Variants in PIN4 observed in about 807,000 individuals in gnomAD.
The protein encoded by PIN4 is peptidylprolyl cis/trans isomerase, NIMA-interacting 4, also known as peptidyl-prolyl cis-trans isomerase NIMA-interacting 4.
In PIN4, 3 loss-of-function variants were observed where a neutral mutation model predicts 8.3. That is an observed-to-expected ratio of 0.36 (90% CI 0.16 to 0.93). PIN4 has a LOEUF of 0.93. PIN4 is among the 40% of genes least tolerant of loss of function. PIN4 has a pLI of 0.44. For missense variants in PIN4, 75 were observed against 100.6 expected (o/e 0.75, Z 1.09); for synonymous variants, 18 against 32.5 (o/e 0.55, Z 1.52).
chrX:72,251,350 G>A lies in PIN4; in HGVS notation c.313-11357G>A, dbSNP rs769287939. On this transcript the variant is annotated intron_variant, in intron 3 of 3. Coordinates refer to the PIN4 transcript ENST00000423432. ...TGCACTCCAGCCTGGGCGACACAGC[G>A]AGACTCTGTCTCAAAAAAAAAAAAA... 5.0e-4 allele frequency among the ~76,000 whole-genome samples: 14 copies of A among 28,138 alleles called. No homozygotes were observed. The African/African-American group carries it at 5.4e-3, about 11-fold the overall frequency. The allele number at this position is 28,138 out of a possible 115,157, so 24.4% of individuals were successfully genotyped here. A position where few individuals can be genotyped will look rare whatever the true frequency, so the allele number is the denominator to read the frequency against.
At chrX:72,248,458 G>C (rs1174251121) in intron 3 of PIN4, among the ~76,000 whole-genome samples, 2 of 111,451 alleles carry the variant, frequency 1.8e-5, no homozygotes, top group African/African-American at 6.5e-5. Context: ...CACAGTCAGA[G>C]TGTAAGAGAA....
At chrX:72,184,168 A>G (rs1057433558) in intron 1 of PIN4, among the ~76,000 whole-genome samples, 1 of 112,117 alleles carries the variant, frequency 8.9e-6, no homozygotes, top group African/African-American at 3.2e-5. Context: ...GGATAGCAAC[A>G]CCAGGGAATT....
At chrX:72,225,702 C>T (rs908665377) in intron 3 of PIN4, among the ~76,000 whole-genome samples, 2 of 111,708 alleles carry the variant, frequency 1.8e-5, no homozygotes, top group Non-Finnish European at 3.8e-5. Context: ...TGACCAACCA[C>T]TCACTCCCAC....
intron 3 of PIN4, among the ~76,000 whole-genome samples, chrX:72,235,371 T>C (rs933371292): frequency 3.7e-5 from 4 of 106,766 alleles, no homozygotes; most frequent in Non-Finnish European, 1.9e-5. Context: ...TGACCTCCTC[T>C]TCTGCCTCCC....
At chrX:72,240,178 T>TA (rs746139148) in intron 3 of PIN4, among the ~76,000 whole-genome samples, 8 of 110,057 alleles carry the variant, frequency 7.3e-5, no homozygotes, top group Admixed American at 1.9e-4. Context: ...AAAAATAATT[T>TA]AAAAAAAAAG....
intron 3 of PIN4, among the ~76,000 whole-genome samples, chrX:72,223,074 C>A (rs1474439908): frequency 9.6e-6 from 1 of 103,877 alleles, no homozygotes; most frequent in Non-Finnish European, 2.0e-5. Flanking sequence ...CAGTGGCTCA[C>A]GCCTGTAATC....
intron 2 of PIN4, among the ~76,000 whole-genome samples, chrX:72,194,086 A>T (rs896909608): frequency 4.5e-5 from 5 of 111,991 alleles, no homozygotes; most frequent in Non-Finnish European, 1.9e-5. Context: ...ATTGTAGCTT[A>T]CATGTATAGT....
intron 3 of PIN4, among the ~76,000 whole-genome samples, chrX:72,216,013 A>T (rs1458321992): frequency 4.5e-5 from 5 of 110,625 alleles, no homozygotes; most frequent in African/African-American, 1.6e-4. Context: ...CATTTCCCAG[A>T]AGATTTTATC....
intron 2 of PIN4, among the ~76,000 whole-genome samples, chrX:72,191,853 T>A (rs751110335): frequency 7.2e-5 from 8 of 111,141 alleles, no homozygotes; most frequent in Non-Finnish European, 1.5e-4. Flanking sequence ...ATCTCTACCC[T>A]CTTTTTTGTT....
rs1448983565 is a variant in PIN4, at chrX:72,198,054, T to G, written c.*528T>G. On this transcript the variant is annotated 3_prime_UTR_variant, in exon 4 of 4. Coordinates refer to ENST00000373669, the MANE Select transcript of PIN4 (RefSeq NM_006223.4). ...CGTTATGCCTTTCAGTGTTAACTCC[T>G]TTCTTTTTAAATAAATGTTTATTGG... The G allele has an allele frequency of 8.0e-6, 6 of 749,187 alleles. 1 individual carries two copies. Among genetic ancestry groups the G allele is most frequent in the Admixed American group, 1.8e-4 (2 of 11,427 alleles). The allele number at this position is 749,187 out of a possible 1,213,427, so 61.7% of individuals were successfully genotyped here.
chrX:72,202,301 C>CCAAA (rs2042793131), downstream of PIN4, among the ~76,000 whole-genome samples: 2 of 112,374 alleles, frequency 1.8e-5, no homozygotes, highest in African/African-American at 6.5e-5. Flanking sequence ...ATTTTTTTCC[C>CCAAA]CAAACAACAG....
chrX:72,222,777 T>C (rs970191897), intron 3 of PIN4, among the ~76,000 whole-genome samples: 2 of 108,100 alleles, frequency 1.9e-5, no homozygotes, highest in Non-Finnish European at 3.8e-5. Context: ...TTTGTATTTT[T>C]AGTAGAGACA....
At chrX:72,233,347 G>A (rs1407601607) in intron 3 of PIN4, among the ~76,000 whole-genome samples, 6 of 111,568 alleles carry the variant, frequency 5.4e-5, no homozygotes, top group Non-Finnish European at 9.4e-5. Flanking sequence ...TGGAGGGGAG[G>A]GGAGAACTGT....
intron 2 of PIN4, among the ~76,000 whole-genome samples, chrX:72,195,005 A>G (rs888106430): frequency 4.5e-5 from 5 of 111,822 alleles, no homozygotes; most frequent in African/African-American, 1.6e-4. Context: ...CATATAGCCT[A>G]GATATGTAGC....
At position 72,185,157 on chromosome X, in the gene PIN4, A is replaced by AAAAAAAAAAC. The variant is rs2042695261; in HGVS notation, c.44-1301_44-1292dup. ...AGCGAGACTCCGTCTCAAAAAAAAA[A>AAAAAAAAAAC]AAAAAAAAACAACTTTTCAATGGCT... is the stretch of plus-strand genomic sequence containing the variant. On this transcript the variant is annotated intron_variant, in intron 1 of 3. Transcript: ENST00000373669. Among the ~76,000 whole-genome samples, 3 of 103,940 alleles carry AAAAAAAAAAC rather than the reference A, an allele frequency of 2.9e-5. No homozygotes were observed. The Admixed American group carries it at 3.2e-4, about 11-fold the overall frequency. The allele number at this position is 103,940 out of a possible 115,157, so 90.3% of individuals were successfully genotyped here.
chrX:72,214,605 G>A (rs1420437937), intron 3 of PIN4, among the ~76,000 whole-genome samples: 1 of 106,688 alleles, frequency 9.4e-6, no homozygotes, highest in Non-Finnish European at 1.9e-5. Context: ...CCAGGGAGGC[G>A]GAAGTTGCAG....
rs2043110939 is a variant in PIN4, at chrX:72,256,365, GC to G, written c.313-6341del. On this transcript the variant is annotated intron_variant, in intron 3 of 3. Coordinates refer to the PIN4 transcript ENST00000423432. ...ATTATGCAGGCTGAGAACAAGTTCT[GC>G]AGTTGGCAAGCTGGAGACCCAGGAG... Among the ~76,000 whole-genome samples, 3 of 111,937 alleles carry G rather than the reference GC, an allele frequency of 2.7e-5. No homozygotes were observed. In the Admixed American group the frequency reaches 2.8e-4, roughly 11 times the overall value.
intron 3 of PIN4, among the ~76,000 whole-genome samples, chrX:72,211,483 T>C (rs1396838974): frequency 1.8e-5 from 2 of 112,208 alleles, no homozygotes; most frequent in African/African-American, 6.5e-5. Context: ...TGTTTCTCTT[T>C]AAGGATTATT....
chrX:72,200,638 A>C (rs774857317), downstream of PIN4, among the ~76,000 whole-genome samples: 1 of 112,512 alleles, frequency 8.9e-6, no homozygotes. Context: ...TATATCCCTC[A>C]ATAGAATATC....
Sources: gnomAD v4.1 joint callset for allele counts (sites outside exome capture counted in the v4.1 genomes callset) on GRCh38, gnomAD v4.1.1 for gene constraint, MANE v1.5 for transcripts, NCBI Gene and HGNC (gene_info 2026-07-23, HGNC 2026-07-21) for gene names.